Variants in NRXN3 observed in about 807,000 individuals in gnomAD.
The protein encoded by NRXN3 is neurexin 3.
Under a neutral mutation model 137.6 loss-of-function variants are expected in NRXN3, and 32 were observed. The ratio of observed to expected loss-of-function variants is 0.23; its 90% CI spans 0.18 to 0.31. NRXN3 has a LOEUF of 0.31. Among genes scored for constraint, NRXN3 ranks in the 10% least tolerant of loss-of-function variants. The probability of loss-of-function intolerance (pLI) is 1.00; values close to 1 mark genes in which losing one functional copy is unlikely to be tolerated. For synonymous variants in NRXN3, 798 were observed against 784.5 expected, an observed-to-expected ratio of 1.02 and a Z score of -0.29; for missense variants, 1,574 against 2,062.5, an observed-to-expected ratio of 0.76 and a Z score of 4.59.
chr14:79,827,546 G>A (rs759443310), intron 20 of NRXN3, among the ~76,000 whole-genome samples: 7 of 152,168 alleles, frequency 4.6e-5, no homozygotes, highest in East Asian at 3.9e-4. Context: ...CGTTTAATTC[G>A]CTCAGAGTTC....
At chr14:78,217,846 A>G (rs573005290) in intron 1 of NRXN3, among the ~76,000 whole-genome samples, 32 of 152,194 alleles carry the variant, frequency 2.1e-4, no homozygotes, top group Non-Finnish European at 3.8e-4. Context: ...TTTTTAGTGG[A>G]GACAGGGTTT....
Position 78,222,402 on chromosome 14 carries a change from C to T in NRXN3, c.-703-19989C>T, listed in dbSNP as rs563419632. Among the ~76,000 whole-genome samples the T allele has an allele frequency of 6.6e-5, 10 of 152,152 alleles. 1 individual carries two copies. The South Asian group carries it at 8.3e-4, about 13-fold the overall frequency. On this transcript the variant is annotated intron_variant, in intron 1 of 20. Transcript: ENST00000335750. ...TCACCCGAGGTAAACTCCCACAAAG[C>T]CTTATTATTTTGGGAAGGTGTTGTA...
intron 15 of NRXN3, chr14:79,200,075 G>A (rs2065750737): frequency 6.6e-6 from 1 of 152,152 alleles, no homozygotes; most frequent in African/African-American, 2.4e-5. Flanking sequence ...GGTACATAAA[G>A]AGAATTAAGA....
rs1250194649 is a variant in NRXN3 at position 79,133,802 on chromosome 14, G to GCCTGTAGT, written c.3262+145664_3262+145671dup. 2.6e-5 allele frequency among the ~76,000 whole-genome samples: 4 copies of GCCTGTAGT among 151,870 alleles called. No homozygotes were observed. The East Asian group carries it at 7.7e-4, about 29-fold the overall frequency. Reference sequence around the variant, plus strand: ...AAATTAGGTGGGCGTGGTGGTGGGCGCCTGTAGTCCCAGCTACTCGGGAGG... The same window carrying GCCTGTAGT: ...AAATTAGGTGGGCGTGGTGGTGGGCGCCTGTAGTCCTGTAGTCCCAGCTACTCGGGAGG... On this transcript the variant is annotated intron_variant, in intron 15 of 20. Coordinates refer to ENST00000335750, the MANE Select transcript of NRXN3 (RefSeq NM_001330195.2).
intron 10 of NRXN3, among the ~76,000 whole-genome samples, chr14:78,938,970 G>C (rs185746871): frequency 2.0e-5 from 3 of 150,938 alleles, no homozygotes; most frequent in East Asian, 2.0e-4. Context: ...CTCAGCCTCC[G>C]GAGTAGCTGG....
At chr14:79,765,348 CATA>C (rs1276227015) in intron 19 of NRXN3, among the ~76,000 whole-genome samples, 4 of 152,208 alleles carry the variant, frequency 2.6e-5, no homozygotes, top group Non-Finnish European at 4.4e-5. Flanking sequence ...GCAAACTCTG[CATA>C]AAACATCCTC....
At chr14:78,924,832 A>C (rs1247367915) in intron 10 of NRXN3, among the ~76,000 whole-genome samples, 1 of 152,206 alleles carries the variant, frequency 6.6e-6, no homozygotes. Context: ...GGGATTGTTT[A>C]GACCCTAGAA....
At chr14:78,908,152 G>A (rs1396599355) in intron 10 of NRXN3, among the ~76,000 whole-genome samples, 2 of 152,002 alleles carry the variant, frequency 1.3e-5, no homozygotes, top group East Asian at 3.9e-4. Context: ...CATGCAAACA[G>A]CTGCTAGCAT....
intron 15 of NRXN3, among the ~76,000 whole-genome samples, chr14:79,069,814 TAA>T (rs1185010674): frequency 6.6e-6 from 1 of 152,174 alleles, no homozygotes; most frequent in Non-Finnish European, 1.5e-5. Flanking sequence ...ATGGATTTAT[TAA>T]AACATTCTGA....
chr14:78,263,625 G>T (rs991502857), intron 2 of NRXN3, among the ~76,000 whole-genome samples: 1 of 151,732 alleles, frequency 6.6e-6, no homozygotes, highest in Non-Finnish European at 1.5e-5. Flanking sequence ...GATCAATTCT[G>T]CTCCATATGT....
Position 79,823,353 on chromosome 14 carries a change from A to G in NRXN3, c.4093+18163A>G, listed in dbSNP as rs140085234. 2.9e-3 allele frequency among the ~76,000 whole-genome samples: 435 copies of G among 152,342 alleles called. 4 individuals are homozygous for G. The highest frequency in any genetic ancestry group is 6.5e-3 in the African/African-American group (270 of 41,564). On this transcript the variant is annotated intron_variant, in intron 20 of 20. Transcript: ENST00000335750. ...ATCAGGTGTAAGAATTGTATTATCA[A>G]TAACAGACTTAACAGTGATTATCTC...
intron 15 of NRXN3, among the ~76,000 whole-genome samples, chr14:79,130,033 A>G (rs1174792135): frequency 1.3e-5 from 2 of 151,962 alleles, no homozygotes; most frequent in Non-Finnish European, 2.9e-5. Context: ...TTTGCTTGGT[A>G]GATCTTCCTT....
chr14:78,346,310 G>T (rs1042674742), intron 4 of NRXN3, among the ~76,000 whole-genome samples: 4 of 151,898 alleles, frequency 2.6e-5, no homozygotes, highest in African/African-American at 7.3e-5. Flanking sequence ...CTTTGTATTT[G>T]CTCCTAAAAT....
At chr14:78,325,538 A>G (rs995580345) in intron 4 of NRXN3, among the ~76,000 whole-genome samples, 2 of 152,090 alleles carry the variant, frequency 1.3e-5, no homozygotes, top group Non-Finnish European at 2.9e-5. Context: ...GATAGATGTT[A>G]TCTATTATTA....
At chr14:78,611,154 A>G (rs1313453014) in intron 4 of NRXN3, among the ~76,000 whole-genome samples, 1 of 152,154 alleles carries the variant, frequency 6.6e-6, no homozygotes. Flanking sequence ...TGGCAGCTAA[A>G]TGCAGCTGCC....
rs777319880 is a variant in NRXN3, at chr14:79,861,490, TTCC to T, written c.4248_4250del (p.Ser1418del). 8.5e-6 allele frequency: 13 copies of T among 1,538,354 alleles called. No homozygotes were observed. The highest frequency in any genetic ancestry group is 1.0e-5 in the Non-Finnish European group (12 of 1,147,166). On this transcript the variant is annotated inframe_deletion, in exon 21 of 21. Transcript: ENST00000335750. The surrounding 1 kb of genome is among the most constrained non-coding windows in gnomAD (Gnocchi z 5.4). ...CCCCTGAGCTGATCCGCTTCACAGC[TTCC>T]TCCTCGTCTGGGATGGTGCCCAAAT... is the stretch of plus-strand genomic sequence containing the variant.
At chr14:79,197,901 C>T (rs1393189650) in intron 15 of NRXN3, among the ~76,000 whole-genome samples, 1 of 152,198 alleles carries the variant, frequency 6.6e-6, no homozygotes, top group Non-Finnish European at 1.5e-5. Flanking sequence ...ATTGCTTTTT[C>T]AACTAAGTTT....
At position 78,586,215 on chromosome 14, in the gene NRXN3, A is replaced by C. The variant is rs539924825; in HGVS notation, c.758-58905A>C. 3.9e-5 allele frequency among the ~76,000 whole-genome samples: 6 copies of C among 152,300 alleles called. No homozygotes were observed. In the East Asian group the frequency reaches 7.7e-4, roughly 20 times the overall value. ...CTGCCAAAGGCCAACAAAATCTACC[A>C]TCTGGCTGTTTAGAGACAGGGTTTT... On this transcript the variant is annotated intron_variant, in intron 4 of 20. Coordinates refer to ENST00000335750, the MANE Select transcript of NRXN3 (RefSeq NM_001330195.2).
intron 1 of NRXN3, among the ~76,000 whole-genome samples, chr14:78,238,555 G>GCAT (rs1171770140): frequency 6.6e-6 from 1 of 152,238 alleles, no homozygotes. Flanking sequence ...TAGTGTAAGG[G>GCAT]CATCTCTAGC....
Sources: gnomAD v4.1 joint callset for allele counts (sites outside exome capture counted in the v4.1 genomes callset) on GRCh38, gnomAD v4.1.1 for gene constraint, Gnocchi (gnomAD v3.1) non-coding constraint, MANE v1.5 for transcripts, NCBI Gene and HGNC (gene_info 2026-07-23, HGNC 2026-07-21) for gene names.